SP140: variants seen among roughly 807,000 people sequenced by gnomAD.
SP140 encodes SP140 nuclear body protein.
A neutral mutation model predicts 125.0 loss-of-function variants in SP140; 81 were observed. That is an observed-to-expected ratio of 0.65 (90% CI 0.54 to 0.78). The LOEUF (loss-of-function observed/expected upper bound fraction) is 0.78. Ranked by LOEUF, SP140 falls within the 30% of genes least tolerant of loss-of-function variation. SP140 has a pLI of 0.00. For missense variants in SP140, 858 were observed against 1,037.0 expected (o/e 0.83, Z 2.37); for synonymous variants, 312 against 354.0 (o/e 0.88, Z 1.33).
intron 15 of SP140, among the ~76,000 whole-genome samples, chr2:230,279,566 T>C (rs571166989): frequency 4.4e-4 from 67 of 152,312 alleles, no homozygotes; most frequent in African/African-American, 1.6e-3. Context: ...GAATTTTCTT[T>C]ATGTAGATGT....
At chr2:230,294,231 A>G (rs2057439278) in intron 20 of SP140, 40 bp from the exon 21 acceptor site, 2 of 1,580,164 alleles carry the variant, frequency 1.3e-6, no homozygotes, top group Non-Finnish European at 8.7e-7. Context: ...CAAAACGGAA[A>G]CACAGGCTGA....
chr2:230,280,235 G>A (rs1000839988), intron 15 of SP140, among the ~76,000 whole-genome samples: 3 of 147,642 alleles, frequency 2.0e-5, no homozygotes, highest in African/African-American at 8.0e-5. Context: ...TTTAATGGAT[G>A]TTTTTCTTTT....
In SP140 at chr2:230,244,929, G is replaced by C. The variant is rs548467090; in HGVS notation, c.572-59G>C. The C allele has an allele frequency of 5.5e-4, 678 of 1,221,764 alleles. 1 individual carries two copies. Among genetic ancestry groups the C allele is most frequent in the Non-Finnish European group, 7.7e-4 (649 of 839,150 alleles). 75.7% of individuals were successfully genotyped at this position (1,221,764 alleles called of 1,614,324 possible). On this transcript the variant is annotated intron_variant, in intron 5 of 26. Coordinates refer to ENST00000392045, the MANE Select transcript of SP140 (RefSeq NM_007237.5). ...AGCTCACTTGAGTGCTGAACACCAGGATTCAGCAGGAGCATCCTGAGGTCT... is the reference window on the plus strand; with the variant it reads ...AGCTCACTTGAGTGCTGAACACCAGCATTCAGCAGGAGCATCCTGAGGTCT...
chr2:230,296,132 T>C (rs965993412), intron 21 of SP140, among the ~76,000 whole-genome samples: 1 of 151,978 alleles, frequency 6.6e-6, no homozygotes, highest in Non-Finnish European at 1.5e-5. Flanking sequence ...TCCCACCTAC[T>C]CAGGAGACTG....
intron 10 of SP140, among the ~76,000 whole-genome samples, chr2:230,252,890 G>A (rs1264191837): frequency 6.6e-6 from 1 of 152,068 alleles, no homozygotes; most frequent in Non-Finnish European, 1.5e-5. Context: ...CCTGAGGAGT[G>A]AACCAGGGAT....
At chr2:230,268,914 C>T (rs2053531056) in intron 12 of SP140, among the ~76,000 whole-genome samples, 1 of 152,176 alleles carries the variant, frequency 6.6e-6, no homozygotes, top group African/African-American at 2.4e-5. Flanking sequence ...TAATCTGAAA[C>T]TAAAAGCTGA....
At chr2:230,301,871 G>C (rs1009078408) in intron 22 of SP140, among the ~76,000 whole-genome samples, 5 of 152,128 alleles carry the variant, frequency 3.3e-5, no homozygotes, top group Non-Finnish European at 7.3e-5. Flanking sequence ...CCAGGCACCT[G>C]CTGTCTTCAA....
chr2:230,196,232 C>A, the SP140 span, among the ~76,000 whole-genome samples: 2 of 152,030 alleles, frequency 1.3e-5, no homozygotes, highest in African/African-American at 2.4e-5. Flanking sequence ...AATTATTGGA[C>A]AAGTGTGCAA....
intron 3 of SP140, chr2:230,239,120 G>T (rs746907334): frequency 3.6e-6 from 4 of 1,118,482 alleles, no homozygotes; most frequent in Non-Finnish European, 4.7e-6. Context: ...GTTGATTTGT[G>T]AATACTATAC....
intron 15 of SP140, among the ~76,000 whole-genome samples, chr2:230,274,818 T>G (rs775611641): frequency 3.3e-5 from 5 of 152,202 alleles, no homozygotes; most frequent in Non-Finnish European, 7.3e-5. Flanking sequence ...CTGTACATAT[T>G]TCTATATTTT....
the SP140 span, among the ~76,000 whole-genome samples, chr2:230,188,179 G>C: frequency 1.3e-4 from 20 of 152,230 alleles, 1 homozygote; most frequent in East Asian, 3.9e-3. Context: ...GTGTTTTGTA[G>C]TTCTCCCTGT....
At chr2:230,276,386 A>G (rs1420950072) in intron 15 of SP140, among the ~76,000 whole-genome samples, 1 of 152,146 alleles carries the variant, frequency 6.6e-6, no homozygotes, top group Non-Finnish European at 1.5e-5. Flanking sequence ...CTGTATAAGT[A>G]AAATAAAGCC....
chr2:230,251,933 G>A (rs1311151236), intron 10 of SP140, among the ~76,000 whole-genome samples: 1 of 152,092 alleles, frequency 6.6e-6, no homozygotes, highest in East Asian at 1.9e-4. Flanking sequence ...GGAGACCAGT[G>A]TCCTGGATGA....
At chr2:230,229,952 C>T (rs1307171452) in intron 1 of SP140, among the ~76,000 whole-genome samples, 2 of 151,534 alleles carry the variant, frequency 1.3e-5, no homozygotes, top group Non-Finnish European at 2.9e-5. Flanking sequence ...TTTTTCCCTA[C>T]CCCCTGGCTT....
chr2:230,210,039 CTCAG>C (rs774367643), intron 1 of SP140: 57 of 1,348,684 alleles, frequency 4.2e-5, no homozygotes, highest in Non-Finnish European at 5.9e-5. Context: ...CATTTCAGAG[CTCAG>C]ATCCAGTGAA....
At chr2:230,223,216 T>C (rs764017063), upstream of SP140, among the ~76,000 whole-genome samples, 17 of 152,074 alleles carry the variant, frequency 1.1e-4, no homozygotes, top group Non-Finnish European at 2.4e-4. Context: ...TTTGTATTTT[T>C]AGTAGAGATG....
At chr2:230,260,689 T>C (rs1194580115) in intron 12 of SP140, among the ~76,000 whole-genome samples, 4 of 152,214 alleles carry the variant, frequency 2.6e-5, no homozygotes, top group Admixed American at 6.5e-5. Context: ...GCACCATTTG[T>C]TGAATAGGGT....
Position 230,312,627 on chromosome 2 carries a change from G to A in SP140, c.2547G>A (p.Glu849=), listed in dbSNP as rs2059421151. The A allele has an allele frequency of 6.2e-7, 1 of 1,613,056 alleles. No homozygotes were observed. Among genetic ancestry groups the A allele is most frequent in the Non-Finnish European group, 8.5e-7 (1 of 1,179,328 alleles). ...AAATGGGATTTAGACTGGAGGCTGA[G>A]TTTGAGAAGAATTTCAAGGAAGTGT... ...FGQMGFRLEA[E]FEKNFKEVFA... The change falls in exon 27 of 27, where the codon GAG becomes GAA. Residue 849 remains glutamate, a synonymous_variant. Coordinates refer to ENST00000392045, the MANE Select transcript of SP140 (RefSeq NM_007237.5).
At chr2:230,202,762 T>C (rs756054690), upstream of SP140, 1 of 1,613,044 alleles carries the variant, frequency 6.2e-7, no homozygotes, top group Non-Finnish European at 8.5e-7. Flanking sequence ...ATAGTTTAAA[T>C]TGGGGTCTTC....
Sources: gnomAD v4.1 joint callset for allele counts (sites outside exome capture counted in the v4.1 genomes callset) on GRCh38, gnomAD v4.1.1 for gene constraint, MANE v1.5 for transcripts, NCBI Gene and HGNC (gene_info 2026-07-23, HGNC 2026-07-21) for gene names.